Variants in CTNNA3 observed in about 807,000 individuals in gnomAD.
CTNNA3 encodes catenin alpha 3.
CTNNA3 carries 76 observed loss-of-function variants against 95.7 expected under a neutral mutation model. The ratio of observed to expected loss-of-function variants is 0.79; its 90% CI spans 0.66 to 0.96. CTNNA3 has a LOEUF of 0.96. Ranked by LOEUF, CTNNA3 falls within the 40% of genes least tolerant of loss-of-function variation. The probability of loss-of-function intolerance (pLI) is 0.00; values close to 1 mark genes in which losing one functional copy is unlikely to be tolerated. For synonymous variants in CTNNA3, 431 were observed against 374.4 expected, an observed-to-expected ratio of 1.15 and a Z score of -1.74; for missense variants, 1,191 against 1,089.8, an observed-to-expected ratio of 1.09 and a Z score of -1.31.
intron 7 of CTNNA3, among the ~76,000 whole-genome samples, chr10:66,881,893 G>T (rs1012033483): frequency 6.6e-6 from 1 of 152,046 alleles, no homozygotes; most frequent in Non-Finnish European, 1.5e-5. Context: ...GGTAATGTAC[G>T]ATGACAAACT....
intron 7 of CTNNA3, among the ~76,000 whole-genome samples, chr10:66,987,604 C>T (rs762128969): frequency 6.6e-6 from 1 of 152,112 alleles, no homozygotes; most frequent in Non-Finnish European, 1.5e-5. Context: ...TGTCTCATTC[C>T]CAAGAATCAT....
At chr10:67,704,347 G>T (rs1841063869) in intron 1 of CTNNA3, among the ~76,000 whole-genome samples, 1 of 152,158 alleles carries the variant, frequency 6.6e-6, no homozygotes, top group Non-Finnish European at 1.5e-5. Context: ...GAACAAAGCT[G>T]GAGGCATCAT....
At chr10:66,719,631 C>G (rs10997354) in intron 9 of CTNNA3, among the ~76,000 whole-genome samples, 1 of 152,202 alleles carries the variant, frequency 6.6e-6, no homozygotes, top group Admixed American at 6.5e-5. Flanking sequence ...ACCAGAAGCA[C>G]GATCATCTCA....
chr10:66,136,135 C>T (rs562879102), intron 13 of CTNNA3, among the ~76,000 whole-genome samples: 35 of 152,248 alleles, frequency 2.3e-4, no homozygotes, highest in African/African-American at 8.4e-4. Context: ...ATCTCCTGAC[C>T]TTGTGATCCG....
chr10:66,925,725 C>G lies in CTNNA3; in HGVS notation c.1048-150201G>C, dbSNP rs1847028757. Among the ~76,000 whole-genome samples the G allele has an allele frequency of 8.5e-5, 13 of 152,150 alleles. No homozygotes were observed. The South Asian group carries it at 2.5e-3, about 29-fold the overall frequency. ...CTGCGTTGAGGTTAAGAAAAATTGACGTTCGGTCTGTGAACTTAATGTCAA... is the reference window on the plus strand; with the variant it reads ...CTGCGTTGAGGTTAAGAAAAATTGAGGTTCGGTCTGTGAACTTAATGTCAA... On this transcript the variant is annotated intron_variant, in intron 7 of 17. Transcript: ENST00000433211.
intron 17 of CTNNA3, among the ~76,000 whole-genome samples, chr10:65,938,039 T>C (rs2077370477): frequency 1.3e-5 from 2 of 152,120 alleles, no homozygotes; most frequent in Non-Finnish European, 2.9e-5. Context: ...CTAAGAACAT[T>C]AAAAAGAGGG....
chr10:67,742,241 A>G (rs2133642200), intron 1 of CTNNA3, among the ~76,000 whole-genome samples: 1 of 151,420 alleles, frequency 6.6e-6, no homozygotes, highest in Admixed American at 6.6e-5. Context: ...AATTTACCAC[A>G]TAGTTGGAAG....
chr10:67,118,686 T>C (rs983557230), intron 7 of CTNNA3, among the ~76,000 whole-genome samples: 2 of 151,858 alleles, frequency 1.3e-5, no homozygotes, highest in African/African-American at 4.8e-5. Flanking sequence ...TAAAGCACAG[T>C]AGTAATAGAA....
In CTNNA3 at chr10:66,345,080, T is replaced by A. The variant is rs374849630; in HGVS notation, c.1732+34072A>T. Among the ~76,000 whole-genome samples the A allele has an allele frequency of 3.9e-4, 60 of 152,182 alleles. 1 individual carries two copies. The South Asian group carries it at 0.012, about 31-fold the overall frequency. On this transcript the variant is annotated intron_variant, in intron 12 of 17. Transcript: ENST00000433211. ...AAGACTTATCTTTATTAAAGGTTTA[T>A]CATAAATTAGAAAAAATATGGCATA...
At chr10:66,770,857 A>G (rs1202523453) in intron 8 of CTNNA3, among the ~76,000 whole-genome samples, 1 of 151,356 alleles carries the variant, frequency 6.6e-6, no homozygotes, top group Non-Finnish European at 1.5e-5. Flanking sequence ...ATAAATTAAC[A>G]GTATTTAAAT....
chr10:67,452,671 C>T (rs998967420), intron 5 of CTNNA3, among the ~76,000 whole-genome samples: 2 of 152,162 alleles, frequency 1.3e-5, no homozygotes, highest in African/African-American at 2.4e-5. Flanking sequence ...GTGGCACATG[C>T]TTTGAAAATT....
intron 9 of CTNNA3, among the ~76,000 whole-genome samples, chr10:66,642,775 T>C (rs961532516): frequency 6.6e-6 from 1 of 152,164 alleles, no homozygotes; most frequent in Admixed American, 6.5e-5. Context: ...AAGTACTTAA[T>C]TTATTATTTT....
intron 15 of CTNNA3, among the ~76,000 whole-genome samples, chr10:66,012,068 C>T (rs2079015421): frequency 6.6e-6 from 1 of 152,142 alleles, no homozygotes; most frequent in Non-Finnish European, 1.5e-5. Context: ...GTGGCTTATT[C>T]ACCCACGTAT....
intron 10 of CTNNA3, among the ~76,000 whole-genome samples, chr10:66,596,013 T>C (rs1211578157): frequency 2.0e-5 from 3 of 151,926 alleles, no homozygotes; most frequent in African/African-American, 7.3e-5. Flanking sequence ...ACTCAATAAC[T>C]CAACTGACCC....
intron 5 of CTNNA3, among the ~76,000 whole-genome samples, chr10:67,302,946 T>C (rs999902049): frequency 2.6e-5 from 4 of 152,208 alleles, no homozygotes; most frequent in African/African-American, 9.7e-5. Flanking sequence ...GCTCTTTAAA[T>C]GTGGTCTCTG....
At chr10:66,280,773 A>G (rs1368325145) in intron 12 of CTNNA3, 152 bp from the exon 13 acceptor site, 5 of 562,980 alleles carry the variant, frequency 8.9e-6, no homozygotes, top group Non-Finnish European at 1.5e-5. Flanking sequence ...CACAAATTTT[A>G]GCAGGATTAT....
chr10:66,415,703 C>T (rs1390574477), intron 11 of CTNNA3, among the ~76,000 whole-genome samples: 1 of 152,112 alleles, frequency 6.6e-6, no homozygotes, highest in Admixed American at 6.5e-5. Flanking sequence ...TAACTGGACC[C>T]TAAGCCACCA....
intron 5 of CTNNA3, among the ~76,000 whole-genome samples, chr10:67,350,060 G>A (rs1423186888): frequency 1.3e-5 from 2 of 152,060 alleles, no homozygotes; most frequent in Non-Finnish European, 2.9e-5. Flanking sequence ...CCAATTTCGG[G>A]CATGTATTGA....
chr10:66,837,986 G>T (rs779411411), intron 7 of CTNNA3, among the ~76,000 whole-genome samples: 1 of 151,932 alleles, frequency 6.6e-6, no homozygotes, highest in African/African-American at 2.4e-5. Flanking sequence ...CCCCAGTGAC[G>T]GTACAGGTCT....
Sources: allele counts gnomAD v4.1 joint callset (sites outside exome capture counted in the v4.1 genomes callset), GRCh38; gene constraint gnomAD v4.1.1; transcripts MANE v1.5; gene names NCBI Gene and HGNC (gene_info 2026-07-23, HGNC 2026-07-21).